The following FRMD5 variants were observed in gnomAD, a reference collection of about 807,000 sequenced individuals.
FRMD5 encodes FERM domain-containing protein 5.
FRMD5 carries 20 observed loss-of-function variants against 69.0 expected under a neutral mutation model. The ratio of observed to expected loss-of-function variants is 0.29; its 90% confidence interval spans 0.20 to 0.42. The LOEUF is 0.42. FRMD5 is among the 10% of genes least tolerant of loss of function. The pLI, the probability that FRMD5 is intolerant of heterozygous loss-of-function variation, is 1.00. For missense variants in FRMD5, 595 were observed against 708.6 expected, an observed-to-expected ratio of 0.84 and a Z score of 1.82; for synonymous variants, 271 against 260.1, an observed-to-expected ratio of 1.04 and a Z score of -0.40.
At chr15:44,169,934 C>T (rs1196643336) in intron 1 of FRMD5, among the ~76,000 whole-genome samples, 2 of 152,144 alleles carry the variant, frequency 1.3e-5, no homozygotes, top group Non-Finnish European at 2.9e-5. Context: ...CAGCCTTTCA[C>T]TTATTGCCTG....
intron 1 of FRMD5, among the ~76,000 whole-genome samples, chr15:44,002,124 A>G (rs746708090): frequency 6.6e-6 from 1 of 152,108 alleles, no homozygotes; most frequent in Admixed American, 6.5e-5. Flanking sequence ...TTCTAGCACA[A>G]TAAGATGTCC....
intron 1 of FRMD5, among the ~76,000 whole-genome samples, chr15:44,137,868 C>T (rs2077209885): frequency 6.6e-6 from 1 of 152,140 alleles, no homozygotes; most frequent in East Asian, 1.9e-4. Flanking sequence ...AGGCACATTG[C>T]TTAAAGCCAG....
chr15:44,034,333 C>T (rs1891816939), intron 1 of FRMD5, among the ~76,000 whole-genome samples: 1 of 152,088 alleles, frequency 6.6e-6, no homozygotes. Context: ...TTTATTTTTT[C>T]AGGTTTTCTA....
chr15:44,195,668 G>A (rs2078282773), upstream of FRMD5, among the ~76,000 whole-genome samples: 1 of 152,236 alleles, frequency 6.6e-6, no homozygotes, highest in Non-Finnish European at 1.5e-5. Flanking sequence ...AGGCGGCAGG[G>A]TGCTGGATCA....
chr15:44,116,692 A>G (rs768459240), intron 1 of FRMD5, among the ~76,000 whole-genome samples: 10 of 152,134 alleles, frequency 6.6e-5, no homozygotes, highest in Non-Finnish European at 1.5e-4. Flanking sequence ...TTGGTTACCA[A>G]TCTTTTCTGT....
chr15:43,922,019 C>T (rs74602147), intron 2 of FRMD5, among the ~76,000 whole-genome samples: 18 of 152,280 alleles, frequency 1.2e-4, no homozygotes, highest in Admixed American at 4.6e-4. Flanking sequence ...CTCCTCCATC[C>T]CTACCATGAA....
Position 43,938,180 on chromosome 15 carries a change from G to A in FRMD5, c.103-13871C>T, listed in dbSNP as rs144725796. On this transcript the variant is annotated intron_variant, in intron 1 of 13. Coordinates refer to ENST00000417257, the MANE Select transcript of FRMD5 (RefSeq NM_032892.5). ...CAGAAGGCAGAGCTTGCAGTGAGCC[G>A]AGATCGCGCCACTGGCAATCTGGCC... Among the ~76,000 whole-genome samples the A allele has an allele frequency of 1.6e-3, 225 of 142,820 alleles. 4 individuals carry two copies. The East Asian group carries it at 0.04, about 26-fold the overall frequency. The allele number at this position is 142,820 out of a possible 152,430, so 93.7% of individuals were successfully genotyped here.
intron 1 of FRMD5, among the ~76,000 whole-genome samples, chr15:43,995,438 G>T (rs895290977): frequency 1.3e-5 from 2 of 151,798 alleles, no homozygotes; most frequent in Non-Finnish European, 2.9e-5. Context: ...CTGAGTTTGT[G>T]GGGGCAGGCT....
chr15:43,873,712 A>T lies in FRMD5; in HGVS notation c.*173T>A. 1 of 1,515,458 alleles carries T rather than the reference A, an allele frequency of 6.6e-7. No homozygotes were observed. Among genetic ancestry groups the T allele is most frequent in the Non-Finnish European group, 8.8e-7 (1 of 1,141,112 alleles). The allele number at this position is 1,515,458 out of a possible 1,614,324, so 93.9% of individuals were successfully genotyped here. ...TCCCAGTTTGTTTAGACAGGGCATGAGCCTATCCCTTTCTTCTTCTGGGAA... is the reference window on the plus strand; with the variant it reads ...TCCCAGTTTGTTTAGACAGGGCATGTGCCTATCCCTTTCTTCTTCTGGGAA... On this transcript the variant is annotated 3_prime_UTR_variant, in exon 14 of 14. Coordinates refer to ENST00000417257, the MANE Select transcript of FRMD5 (RefSeq NM_032892.5).
chr15:44,128,493 T>A (rs1272246298), intron 1 of FRMD5, among the ~76,000 whole-genome samples: 2 of 151,932 alleles, frequency 1.3e-5, no homozygotes, highest in Non-Finnish European at 2.9e-5. Flanking sequence ...AATAAATAAA[T>A]AAAAATAAAT....
chr15:43,997,290 G>T (rs1889979378), intron 1 of FRMD5, among the ~76,000 whole-genome samples: 1 of 152,094 alleles, frequency 6.6e-6, no homozygotes, highest in African/African-American at 2.4e-5. Context: ...AGCCTTCATT[G>T]TTGTCCTGTT....
intron 1 of FRMD5, among the ~76,000 whole-genome samples, chr15:44,182,135 C>T (rs930397458): frequency 1.3e-5 from 2 of 151,320 alleles, no homozygotes; most frequent in Non-Finnish European, 2.9e-5. Context: ...CTCAGCCTCC[C>T]GAGTAGCTGG....
chr15:44,045,344 A>T (rs1215962255), intron 1 of FRMD5, among the ~76,000 whole-genome samples: 2 of 152,152 alleles, frequency 1.3e-5, no homozygotes, highest in Non-Finnish European at 2.9e-5. Flanking sequence ...TATGGCAAGG[A>T]CTCATTTTCC....
rs34063043 is a variant in FRMD5 at position 43,875,804 on chromosome 15, G to GTTTT, written c.1136-1346_1136-1343dup. 1,167 of 210,150 alleles carry GTTTT rather than the reference G, an allele frequency of 5.6e-3. 64 individuals are homozygous for GTTTT. Among genetic ancestry groups the GTTTT allele is most frequent in the South Asian group, 7.4e-3 (96 of 13,020 alleles). 13.0% of individuals were successfully genotyped at this position (210,150 alleles called of 1,614,324 possible). On this transcript the variant is annotated intron_variant, in intron 13 of 13. Coordinates refer to ENST00000417257, the MANE Select transcript of FRMD5 (RefSeq NM_032892.5). The stretch of plus-strand genomic sequence containing the variant: ...TCTTGCCTTTGGTGTCCTGGGCCTA[G>GTTTT]TTTTTTTTTTTTTTTTTTTTTTTCT...
chr15:44,199,302 T>C (rs2078327110), upstream of FRMD5, among the ~76,000 whole-genome samples: 1 of 152,198 alleles, frequency 6.6e-6, no homozygotes, highest in South Asian at 2.1e-4. Context: ...CAAAGCCTCA[T>C]GGACTATGGA....
At chr15:44,054,950 A>G (rs933890350) in intron 1 of FRMD5, among the ~76,000 whole-genome samples, 5 of 151,942 alleles carry the variant, frequency 3.3e-5, no homozygotes, top group African/African-American at 1.2e-4. Flanking sequence ...TGCGCCTGTA[A>G]TCCCAGCTAC....
intron 1 of FRMD5, among the ~76,000 whole-genome samples, chr15:43,954,530 C>G (rs1342791553): frequency 6.6e-6 from 1 of 152,202 alleles, no homozygotes; most frequent in Admixed American, 6.5e-5. Flanking sequence ...AAAGATGACT[C>G]TCACCCAACA....
chr15:44,001,642 T>G (rs1890218486), intron 1 of FRMD5, among the ~76,000 whole-genome samples: 3 of 151,502 alleles, frequency 2.0e-5, no homozygotes, highest in African/African-American at 4.9e-5. Context: ...AAAATCACTT[T>G]GTCATTCAGG....
At chr15:43,961,080 C>T (rs1156874033) in intron 1 of FRMD5, among the ~76,000 whole-genome samples, 2 of 151,734 alleles carry the variant, frequency 1.3e-5, no homozygotes, top group South Asian at 4.2e-4. Flanking sequence ...AATAGAGACA[C>T]AAAAAAATCC....
Sources: allele counts gnomAD v4.1 joint callset (sites outside exome capture counted in the v4.1 genomes callset), GRCh38; gene constraint gnomAD v4.1.1; transcripts MANE v1.5; gene names NCBI Gene and HGNC (gene_info 2026-07-23, HGNC 2026-07-21).